Variants in CDH13 observed in about 807,000 individuals in gnomAD.
CDH13 encodes the protein cadherin 13, also known as cadherin-13.
In CDH13, 24 loss-of-function variants were observed where a neutral mutation model predicts 63.8. The observed-to-expected ratio is 0.38, with a 90% confidence interval of 0.27 to 0.53. The LOEUF (loss-of-function observed/expected upper bound fraction) is 0.53. CDH13 is among the 20% of genes least tolerant of loss of function. The pLI is 0.85. For missense variants in CDH13, 1,049 were observed against 903.1 expected (o/e 1.16, Z -2.07); for synonymous variants, 503 against 355.3 (o/e 1.42, Z -4.67).
At chr16:82,802,956 ACT>A (rs1354662241) in intron 1 of CDH13, among the ~76,000 whole-genome samples, 2 of 152,104 alleles carry the variant, frequency 1.3e-5, no homozygotes, top group Admixed American at 1.3e-4. Context: ...CATTTCAGAA[ACT>A]CTAAAATACT....
At chr16:83,557,293 A>T (rs1203324171) in intron 7 of CDH13, among the ~76,000 whole-genome samples, 1 of 152,166 alleles carries the variant, frequency 6.6e-6, no homozygotes, top group Non-Finnish European at 1.5e-5. Flanking sequence ...CATTATGGCG[A>T]GTTGTATAAT....
chr16:83,518,496 G>A (rs1042280412), intron 7 of CDH13, among the ~76,000 whole-genome samples: 12 of 142,102 alleles, frequency 8.4e-5, no homozygotes, highest in Admixed American at 1.4e-4. Context: ...TTTTTGAGAC[G>A]GAGTCTGGCT....
intron 2 of CDH13, among the ~76,000 whole-genome samples, chr16:82,943,908 G>T (rs1247990243): frequency 6.6e-6 from 1 of 152,160 alleles, no homozygotes; most frequent in Non-Finnish European, 1.5e-5. Context: ...ACAATTAGCA[G>T]CTTCAGCTGA....
At chr16:83,368,566 G>T (rs2091297583) in intron 6 of CDH13, among the ~76,000 whole-genome samples, 1 of 151,386 alleles carries the variant, frequency 6.6e-6, no homozygotes, top group Admixed American at 6.6e-5. Flanking sequence ...GTGGTGTTTG[G>T]TTACATGAGT....
In CDH13 at chr16:82,968,342, A is replaced by T. The variant is rs538308560; in HGVS notation, c.158-63668A>T. ...GAATCCTTTATCTAGAAAATGTGTA[A>T]TTTTCCAAGAAGGCCTCAGACCTAG... On this transcript the variant is annotated intron_variant, in intron 2 of 13. Coordinates refer to ENST00000567109, the MANE Select transcript of CDH13 (RefSeq NM_001257.5). 2.0e-5 allele frequency among the ~76,000 whole-genome samples: 3 copies of T among 152,182 alleles called. No homozygotes were observed. The East Asian group carries it at 5.8e-4, about 29-fold the overall frequency.
chr16:83,042,051 G>A (rs1917374974), intron 3 of CDH13, among the ~76,000 whole-genome samples: 1 of 152,052 alleles, frequency 6.6e-6, no homozygotes, highest in African/African-American at 2.4e-5. Flanking sequence ...TTTCTACTCT[G>A]AGCCAACTGT....
chr16:83,500,898 T>C (rs2074269814), intron 7 of CDH13, among the ~76,000 whole-genome samples: 1 of 152,036 alleles, frequency 6.6e-6, no homozygotes, highest in African/African-American at 2.4e-5. Context: ...GGTTTCTATA[T>C]GAGCCAGTTT....
At chr16:82,720,296 C>G (rs1024691104) in intron 1 of CDH13, among the ~76,000 whole-genome samples, 29 of 152,136 alleles carry the variant, frequency 1.9e-4, no homozygotes, top group Non-Finnish European at 7.4e-5. Flanking sequence ...TGACTGAGTG[C>G]TTTCTTACTG....
chr16:83,160,939 C>A (rs1321850164), intron 4 of CDH13, among the ~76,000 whole-genome samples: 1 of 152,196 alleles, frequency 6.6e-6, no homozygotes, highest in Non-Finnish European at 1.5e-5. Flanking sequence ...TGATACAATG[C>A]TGGAAGCTTT....
At chr16:83,693,881 G>T (rs749641079) in intron 10 of CDH13, among the ~76,000 whole-genome samples, 4 of 152,220 alleles carry the variant, frequency 2.6e-5, no homozygotes, top group Non-Finnish European at 5.9e-5. Flanking sequence ...ACCATGAGTT[G>T]TAGATACTCT....
intron 5 of CDH13, among the ~76,000 whole-genome samples, chr16:83,285,694 CTT>C (rs1283697955): frequency 6.6e-6 from 1 of 152,098 alleles, no homozygotes; most frequent in Non-Finnish European, 1.5e-5. Flanking sequence ...ATATAAGAGA[CTT>C]GAGCATTCCA....
chr16:83,215,729 G>T (rs150603288), intron 4 of CDH13, among the ~76,000 whole-genome samples: 1 of 152,062 alleles, frequency 6.6e-6, no homozygotes, highest in East Asian at 1.9e-4. Context: ...CCCTCCAGGC[G>T]CTGTTGAGTA....
At chr16:83,368,681 T>TC (rs987682403) in intron 6 of CDH13, among the ~76,000 whole-genome samples, 1 of 150,858 alleles carries the variant, frequency 6.6e-6, no homozygotes, top group Non-Finnish European at 1.5e-5. Flanking sequence ...CCCAACCCTT[T>TC]CCCCAAGTCC....
At chr16:82,902,321 C>T (rs1278572700) in intron 2 of CDH13, among the ~76,000 whole-genome samples, 1 of 151,616 alleles carries the variant, frequency 6.6e-6, no homozygotes, top group Admixed American at 6.6e-5. Flanking sequence ...GGAGATTTGC[C>T]TTATAAAATA....
chr16:83,434,121 A>T (rs1435728461), intron 6 of CDH13, among the ~76,000 whole-genome samples: 1 of 152,194 alleles, frequency 6.6e-6, no homozygotes, highest in African/African-American at 2.4e-5. Flanking sequence ...GGGCATCGTT[A>T]ATAGCCCAGT....
chr16:82,688,174 C>G (rs1024328479), intron 1 of CDH13, among the ~76,000 whole-genome samples: 2 of 152,140 alleles, frequency 1.3e-5, no homozygotes, highest in African/African-American at 2.4e-5. Flanking sequence ...CTCAAGTGAA[C>G]CAGCCAAGAG....
chr16:83,270,892 C>T (rs76598837), intron 5 of CDH13, among the ~76,000 whole-genome samples: 1 of 149,928 alleles, frequency 6.7e-6, no homozygotes, highest in Non-Finnish European at 1.5e-5. Context: ...CCCTCCCTCC[C>T]TTCCTCCCTC....
intron 1 of CDH13, among the ~76,000 whole-genome samples, chr16:82,667,623 A>T (rs192708849): frequency 6.6e-6 from 1 of 152,164 alleles, no homozygotes; most frequent in Admixed American, 6.5e-5. Context: ...CGTTGCCCCT[A>T]TCTGAAGTTG....
intron 1 of CDH13, among the ~76,000 whole-genome samples, chr16:82,795,636 C>T (rs544941384): frequency 6.6e-6 from 1 of 152,306 alleles, no homozygotes; most frequent in South Asian, 2.1e-4. Context: ...CAAGGTCCTA[C>T]AGTTGTTAAG....
Sources: gnomAD v4.1 joint callset for allele counts (sites outside exome capture counted in the v4.1 genomes callset) on GRCh38, gnomAD v4.1.1 for gene constraint, MANE v1.5 for transcripts, NCBI Gene and HGNC (gene_info 2026-07-23, HGNC 2026-07-21) for gene names.